The following CSGALNACT1 variants were observed in gnomAD, a reference collection of about 807,000 sequenced individuals.
CSGALNACT1 encodes the protein beta4GalNAcT-1.
In CSGALNACT1, 52 loss-of-function variants were observed where a neutral mutation model predicts 51.0. The ratio of observed to expected loss-of-function variants is 1.02; its 90% CI spans 0.82 to 1.29. The LOEUF is 1.29. Among genes scored for constraint, CSGALNACT1 ranks in the 50% most tolerant of loss-of-function variants. The pLI, the probability that CSGALNACT1 is intolerant of heterozygous loss-of-function variation, is 0.00. For synonymous variants in CSGALNACT1, 341 were observed against 254.4 expected, an observed-to-expected ratio of 1.34 and a Z score of -3.24; for missense variants, 935 against 679.2, an observed-to-expected ratio of 1.38 and a Z score of -4.19.
At chr8:19,678,099 T>C (rs1047826744) in intron 1 of CSGALNACT1, among the ~76,000 whole-genome samples, 1 of 151,626 alleles carries the variant, frequency 6.6e-6, no homozygotes, top group African/African-American at 2.4e-5. Context: ...CTGAGACTCT[T>C]ATCTCAAACA....
At chr8:19,544,839 A>G (rs1390683551) in intron 3 of CSGALNACT1, among the ~76,000 whole-genome samples, 1 of 152,164 alleles carries the variant, frequency 6.6e-6, no homozygotes, top group Non-Finnish European at 1.5e-5. Context: ...TCCAAGTAAA[A>G]GCTGTGTATC....
At chr8:19,511,127 G>A (rs2078382647) in intron 3 of CSGALNACT1, among the ~76,000 whole-genome samples, 1 of 152,268 alleles carries the variant, frequency 6.6e-6, no homozygotes, top group Non-Finnish European at 1.5e-5. Context: ...TGGCTTCATG[G>A]CAAGGCCAGG....
chr8:19,405,462 A>G (rs897715407), exon 10 of CSGALNACT1: 9 of 523,076 alleles, frequency 1.7e-5, no homozygotes, highest in Non-Finnish European at 2.9e-5. Context: ...GAATATTTCA[A>G]TGAGCACACA....
At chr8:19,446,430 T>C (rs1448212849) in intron 5 of CSGALNACT1, among the ~76,000 whole-genome samples, 4 of 152,136 alleles carry the variant, frequency 2.6e-5, no homozygotes, top group African/African-American at 9.7e-5. Flanking sequence ...CATTTTCCCA[T>C]AGTCTCCGTG....
At chr8:19,606,952 G>A (rs906987580), upstream of CSGALNACT1, among the ~76,000 whole-genome samples, 1 of 152,058 alleles carries the variant, frequency 6.6e-6, no homozygotes, top group Non-Finnish European at 1.5e-5. Context: ...TCAGGAGATC[G>A]AGATCATCCT....
chr8:19,608,056 T>G (rs577213368), intron 1 of CSGALNACT1, among the ~76,000 whole-genome samples: 1 of 152,306 alleles, frequency 6.6e-6, no homozygotes, highest in African/African-American at 2.4e-5. Flanking sequence ...TGAAGAGTAG[T>G]TAAACAATCA....
At chr8:19,733,198 T>C (rs1033633768) in intron 1 of CSGALNACT1, among the ~76,000 whole-genome samples, 4 of 152,232 alleles carry the variant, frequency 2.6e-5, no homozygotes, top group African/African-American at 4.8e-5. Flanking sequence ...CAGTGCTTTA[T>C]ATGGAAGGTA....
At chr8:19,754,772 T>C (rs1330358491) in intron 1 of CSGALNACT1, among the ~76,000 whole-genome samples, 4 of 152,194 alleles carry the variant, frequency 2.6e-5, no homozygotes, top group Non-Finnish European at 4.4e-5. Context: ...GACAGGATAA[T>C]GGTAATAAAT....
rs533266997 is a variant in CSGALNACT1, at chr8:19,521,243, G to A, written c.-296-15113C>T. ...AAGCAGTGTTGACATGAACTGGAGA[G>A]GAAAGACTGGCACTGGGGACACTAG... is the stretch of plus-strand genomic sequence containing the variant. On this transcript the variant is annotated intron_variant, in intron 3 of 9. Coordinates refer to ENST00000454498, the Ensembl canonical transcript of CSGALNACT1. 1.1e-4 allele frequency among the ~76,000 whole-genome samples: 16 copies of A among 152,246 alleles called. No individual in the cohort carries two copies. In the South Asian group the frequency reaches 2.9e-3, roughly 28 times the overall value.
At chr8:19,633,180 C>T (rs1472337921) in intron 1 of CSGALNACT1, among the ~76,000 whole-genome samples, 2 of 152,082 alleles carry the variant, frequency 1.3e-5, no homozygotes, top group East Asian at 3.9e-4. Context: ...CTTGATTATC[C>T]CTGCCGAATT....
chr8:19,659,336 C>T lies in CSGALNACT1; in HGVS notation c.-544+23137G>A, dbSNP rs1371999743. The stretch of plus-strand genomic sequence containing the variant: ...ATTTCAAGCAACACTTTCTTCATCC[C>T]AACTATGTCAGATTCTTACTTGGGC... On this transcript the variant is annotated intron_variant, in intron 1 of 9. Transcript: ENST00000332246. Among the ~76,000 whole-genome samples, 2 of 152,198 alleles carry T rather than the reference C, an allele frequency of 1.3e-5. 1 individual carries two copies. Among genetic ancestry groups the T allele is most frequent in the Admixed American group, 1.3e-4 (2 of 15,284 alleles).
At chr8:19,431,759 T>A (rs1349210960) in intron 6 of CSGALNACT1, among the ~76,000 whole-genome samples, 3 of 152,094 alleles carry the variant, frequency 2.0e-5, no homozygotes, top group Non-Finnish European at 4.4e-5. Flanking sequence ...CTTTAAACAC[T>A]TGGTAGAAAT....
chr8:19,466,878 G>C (rs1351516133), intron 4 of CSGALNACT1, among the ~76,000 whole-genome samples: 1 of 152,166 alleles, frequency 6.6e-6, no homozygotes, highest in Non-Finnish European at 1.5e-5. Flanking sequence ...TTCTGTTTCA[G>C]CTGCCACTGA....
chr8:19,555,544 G>A (rs978391357), intron 3 of CSGALNACT1, among the ~76,000 whole-genome samples: 3 of 152,008 alleles, frequency 2.0e-5, no homozygotes, highest in East Asian at 1.9e-4. Context: ...GCATAATTCC[G>A]ATATATTTAG....
In CSGALNACT1 at chr8:19,571,142, G is replaced by T. The variant is rs75026025; in HGVS notation, c.-297+20018C>A. On this transcript the variant is annotated intron_variant, in intron 3 of 9. Coordinates refer to ENST00000454498, the Ensembl canonical transcript of CSGALNACT1. ...TGTGTCACCACACCTAGCTATTTTT[G>T]TATTTTTTGTAAAGATGAGGTTTTG... Among the ~76,000 whole-genome samples the T allele has an allele frequency of 4.0e-4, 61 of 152,048 alleles. 1 individual carries two copies. The East Asian group carries it at 0.012, about 29-fold the overall frequency.
chr8:19,542,840 A>T lies in CSGALNACT1; in HGVS notation c.-296-36710T>A, dbSNP rs542073456. Among the ~76,000 whole-genome samples the T allele has an allele frequency of 2.0e-5, 3 of 152,276 alleles. No individual in the cohort carries two copies. The South Asian group carries it at 6.2e-4, about 32-fold the overall frequency. On this transcript the variant is annotated intron_variant, in intron 3 of 9. Transcript: ENST00000454498. Reference sequence around the variant, plus strand: ...AAATGGCTCTAAAGCAGTGGGGTTAATTTTATGAAAGTAACATTGTAAGCA... The same window carrying T: ...AAATGGCTCTAAAGCAGTGGGGTTATTTTTATGAAAGTAACATTGTAAGCA...
intron 1 of CSGALNACT1, among the ~76,000 whole-genome samples, chr8:19,651,939 TG>T (rs2057848630): frequency 6.7e-6 from 1 of 149,278 alleles, no homozygotes; most frequent in Non-Finnish European, 1.5e-5. Context: ...TGTTTTGTTT[TG>T]ACTTTTTTTA....
intron 5 of CSGALNACT1, among the ~76,000 whole-genome samples, chr8:19,454,578 G>A (rs1035887689): frequency 5.3e-5 from 8 of 152,152 alleles, no homozygotes; most frequent in African/African-American, 1.9e-4. Context: ...GGCTGAGGCA[G>A]GAGAATCGCT....
intron 5 of CSGALNACT1, among the ~76,000 whole-genome samples, chr8:19,445,332 T>A (rs1425645476): frequency 6.6e-6 from 1 of 152,214 alleles, no homozygotes; most frequent in Non-Finnish European, 1.5e-5. Flanking sequence ...CATCCTAGAA[T>A]CAGGAGAGGG....
Sources: allele counts gnomAD v4.1 joint callset (sites outside exome capture counted in the v4.1 genomes callset), GRCh38; gene constraint gnomAD v4.1.1; transcripts MANE v1.5; gene names NCBI Gene and HGNC (gene_info 2026-07-23, HGNC 2026-07-21).